Variants in SORCS2 observed in about 807,000 individuals in gnomAD.
The protein encoded by SORCS2 is VPS10 domain-containing receptor SorCS2.
Under a neutral mutation model 141.6 loss-of-function variants are expected in SORCS2, and 100 were observed. The observed-to-expected ratio is 0.71, with a 90% confidence interval of 0.60 to 0.83. The LOEUF (loss-of-function observed/expected upper bound fraction) is 0.83, where lower values mean the gene tolerates loss of function less well. Ranked by LOEUF, SORCS2 falls within the 40% of genes least tolerant of loss-of-function variation. The pLI, the probability that SORCS2 is intolerant of heterozygous loss-of-function variation, is 0.00. For synonymous variants in SORCS2, 789 were observed against 676.9 expected, an observed-to-expected ratio of 1.17 and a Z score of -2.57; for missense variants, 1,646 against 1,560.2, an observed-to-expected ratio of 1.05 and a Z score of -0.93.
Position 7,740,190 on chromosome 4 carries a change from T to C in SORCS2, c.3416-10T>C. Reference sequence around the variant, plus strand: ...GTGCTCACGGGACCTGCGTCTCTTCTGTTTCCTAGGCAACCACTCAGGCGT... The same window carrying C: ...GTGCTCACGGGACCTGCGTCTCTTCCGTTTCCTAGGCAACCACTCAGGCGT... On this transcript the variant is annotated splice_polypyrimidine_tract_variant and intron_variant, in intron 26 of 26. Transcript: ENST00000507866. The C allele has an allele frequency of 6.2e-7, 1 of 1,605,760 alleles. No homozygotes were observed. Among genetic ancestry groups the C allele is most frequent in the Non-Finnish European group, 8.5e-7 (1 of 1,178,454 alleles).
At chr4:7,524,070 G>C (rs1183895108) in intron 2 of SORCS2, among the ~76,000 whole-genome samples, 2 of 152,252 alleles carry the variant, frequency 1.3e-5, no homozygotes, top group Non-Finnish European at 2.9e-5. Context: ...TAGAATAGAA[G>C]CTCAGTCAGT....
chr4:7,226,141 G>A (rs1577297610), intron 1 of SORCS2, among the ~76,000 whole-genome samples: 1 of 152,196 alleles, frequency 6.6e-6, no homozygotes, highest in South Asian at 2.1e-4. Context: ...CTTGCTGCTG[G>A]GAGGGCTGGA....
At chr4:7,293,175 G>A (rs1178492028) in intron 1 of SORCS2, among the ~76,000 whole-genome samples, 3 of 152,192 alleles carry the variant, frequency 2.0e-5, no homozygotes, top group Non-Finnish European at 4.4e-5. Flanking sequence ...ATGGTGGCGG[G>A]CACCTGTAGT....
chr4:7,373,478 A>ATATATATATATATATTTT (rs1470691140), intron 1 of SORCS2, among the ~76,000 whole-genome samples: 1 of 36,818 alleles, frequency 2.7e-5, no homozygotes, highest in African/African-American at 1.6e-4. Context: ...ATATATATAT[A>ATATATATATATATATTTT]TTTTTTTTTT....
intron 3 of SORCS2, among the ~76,000 whole-genome samples, chr4:7,579,224 A>G (rs1220678822): frequency 8.5e-5 from 13 of 152,170 alleles, no homozygotes; most frequent in Admixed American, 6.5e-5. Flanking sequence ...CCCATCCATA[A>G]ATAATGATGC....
intron 3 of SORCS2, among the ~76,000 whole-genome samples, chr4:7,626,795 C>T (rs1225175919): frequency 2.0e-5 from 3 of 151,994 alleles, no homozygotes; most frequent in Non-Finnish European, 2.9e-5. Context: ...CATCCTGTCC[C>T]GTCTTGTCCT....
chr4:7,455,820 G>A (rs1291076271), intron 2 of SORCS2, among the ~76,000 whole-genome samples: 1 of 152,208 alleles, frequency 6.6e-6, no homozygotes, highest in Non-Finnish European at 1.5e-5. Flanking sequence ...CAGGCTCTGT[G>A]TTGGGGTCAT....
At chr4:7,299,868 G>A (rs769805081) in intron 1 of SORCS2, among the ~76,000 whole-genome samples, 5 of 152,176 alleles carry the variant, frequency 3.3e-5, no homozygotes, top group Middle Eastern at 3.2e-3. Flanking sequence ...GAAAGCTGGC[G>A]TTGGCCTCCG....
At chr4:7,571,421 G>A (rs920359135) in intron 3 of SORCS2, among the ~76,000 whole-genome samples, 3 of 152,194 alleles carry the variant, frequency 2.0e-5, no homozygotes, top group Non-Finnish European at 2.9e-5. Flanking sequence ...TTGGGGACGG[G>A]AAATTGAGTT....
chr4:7,284,557 C>A (rs1354429378), intron 1 of SORCS2, among the ~76,000 whole-genome samples: 1 of 152,212 alleles, frequency 6.6e-6, no homozygotes, highest in Non-Finnish European at 1.5e-5. Flanking sequence ...TCAGTCCATC[C>A]CTCAGCAGGT....
chr4:7,304,837 T>C (rs1717675690), intron 1 of SORCS2, among the ~76,000 whole-genome samples: 1 of 152,196 alleles, frequency 6.6e-6, no homozygotes, highest in Admixed American at 6.5e-5. Context: ...CTCCCTCTTC[T>C]CCTTCCTAAG....
chr4:7,584,941 C>A (rs1716437635), intron 3 of SORCS2, among the ~76,000 whole-genome samples: 1 of 152,150 alleles, frequency 6.6e-6, no homozygotes, highest in South Asian at 2.1e-4. Flanking sequence ...TTGCAAAACA[C>A]AAAGGGGGTT....
At chr4:7,501,195 G>A (rs528368591) in intron 2 of SORCS2, among the ~76,000 whole-genome samples, 5 of 152,260 alleles carry the variant, frequency 3.3e-5, no homozygotes, top group African/African-American at 1.2e-4. Flanking sequence ...TGCAGTGTCC[G>A]CCCCACAGCC....
chr4:7,712,391 C>T (rs1222943862), intron 14 of SORCS2, among the ~76,000 whole-genome samples: 2 of 152,228 alleles, frequency 1.3e-5, no homozygotes, highest in African/African-American at 4.8e-5. Context: ...CTGTGGGGGC[C>T]GTGGAAGGGC....
At chr4:7,542,355 A>G (rs184082599) in intron 3 of SORCS2, among the ~76,000 whole-genome samples, 101 of 152,306 alleles carry the variant, frequency 6.6e-4, no homozygotes, top group Non-Finnish European at 1.1e-3. Flanking sequence ...TGCAGCTGTA[A>G]TCGAGGTAAA....
intron 3 of SORCS2, among the ~76,000 whole-genome samples, chr4:7,636,080 C>G (rs966919885): frequency 2.0e-5 from 3 of 152,208 alleles, no homozygotes; most frequent in Non-Finnish European, 4.4e-5. Flanking sequence ...ACTGCCCTCC[C>G]CAGGAAAGCT....
chr4:7,192,621 C>G lies in SORCS2; in HGVS notation c.-26C>G, dbSNP rs1276291126. On this transcript the variant is annotated 5_prime_UTR_variant, in exon 1 of 27. Coordinates refer to ENST00000507866, the MANE Select transcript of SORCS2 (RefSeq NM_020777.3). The surrounding 1 kb of genome is among the most constrained non-coding windows in gnomAD (Gnocchi z 4.0). ...CCCCTCGTCCGCGCCGCCCCGCCGC[C>G]GGCTCCGCTGCCGCCCCTGGCGACC... 3 of 987,412 alleles carry G rather than the reference C, an allele frequency of 3.0e-6. No homozygotes were observed. Among genetic ancestry groups the G allele is most frequent in the Non-Finnish European group, 3.6e-6 (3 of 832,126 alleles). 61.2% of individuals were successfully genotyped at this position (987,412 alleles called of 1,614,324 possible).
intron 1 of SORCS2, among the ~76,000 whole-genome samples, chr4:7,339,374 C>A (rs1027343703): frequency 2.0e-5 from 3 of 152,218 alleles, no homozygotes; most frequent in African/African-American, 4.8e-5. Flanking sequence ...TATGAGTCAG[C>A]CACAGCTGCG....
At chr4:7,360,563 A>C (rs1417397279) in intron 1 of SORCS2, among the ~76,000 whole-genome samples, 2 of 72,258 alleles carry the variant, frequency 2.8e-5, no homozygotes, top group African/African-American at 6.9e-5. Context: ...ATACCCTCCC[A>C]GTCCCTTCTT....
Sources: gnomAD v4.1 joint callset for allele counts (sites outside exome capture counted in the v4.1 genomes callset) on GRCh38, gnomAD v4.1.1 for gene constraint, Gnocchi (gnomAD v3.1) non-coding constraint, MANE v1.5 for transcripts, NCBI Gene and HGNC (gene_info 2026-07-23, HGNC 2026-07-21) for gene names.